Variants in DYNC2H1 observed in about 807,000 individuals in gnomAD.
The protein encoded by DYNC2H1 is dynein cytoplasmic 2 heavy chain 1.
DYNC2H1 carries 410 observed loss-of-function variants against 570.0 expected under a neutral mutation model. The ratio of observed to expected loss-of-function variants is 0.72; its 90% confidence interval spans 0.66 to 0.78. The LOEUF (loss-of-function observed/expected upper bound fraction) is 0.78. DYNC2H1 is among the 30% of genes least tolerant of loss of function. The pLI, the probability that DYNC2H1 is intolerant of heterozygous loss-of-function variation, is 0.00. For synonymous variants in DYNC2H1, 1,688 were observed against 1,677.6 expected, an observed-to-expected ratio of 1.01 and a Z score of -0.15; for missense variants, 4,865 against 5,046.4, an observed-to-expected ratio of 0.96 and a Z score of 1.09.
intron 73 of DYNC2H1, among the ~76,000 whole-genome samples, chr11:103,283,745 A>G (rs1297546193): frequency 1.3e-5 from 2 of 152,144 alleles, no homozygotes; most frequent in Non-Finnish European, 2.9e-5. Context: ...AAGTAGAGCC[A>G]GGATTTAAAA....
At chr11:103,390,648 T>C (rs1942103789) in intron 83 of DYNC2H1, among the ~76,000 whole-genome samples, 1 of 152,198 alleles carries the variant, frequency 6.6e-6, no homozygotes, top group South Asian at 2.1e-4. Context: ...GTTGTTCCTT[T>C]CCATGTTGAG....
chr11:103,385,097 T>G (rs1941818462), intron 83 of DYNC2H1, among the ~76,000 whole-genome samples: 1 of 152,136 alleles, frequency 6.6e-6, no homozygotes, highest in Admixed American at 6.5e-5. Flanking sequence ...CTCTTTACCT[T>G]GATTTTCTGC....
At chr11:103,225,682 A>G (rs1467790112) in intron 59 of DYNC2H1, among the ~76,000 whole-genome samples, 1 of 152,064 alleles carries the variant, frequency 6.6e-6, no homozygotes, top group Non-Finnish European at 1.5e-5. Flanking sequence ...AGGTTGGGTA[A>G]TGTGATGCCT....
At chr11:103,437,920 A>G (rs636777) in intron 85 of DYNC2H1, among the ~76,000 whole-genome samples, 86,716 of 151,912 alleles carry the variant, frequency 0.57, 25,219 homozygotes, top group East Asian at 0.72. Context: ...ACAATTTTAC[A>G]TGAATTATTG....
chr11:103,333,931 T>A (rs1488487353), intron 82 of DYNC2H1, among the ~76,000 whole-genome samples: 1 of 152,140 alleles, frequency 6.6e-6, no homozygotes, highest in Non-Finnish European at 1.5e-5. Flanking sequence ...AATATCATGG[T>A]TTTATTTAGC....
rs61896886 is a variant in DYNC2H1, at chr11:103,438,735, G to T, written c.12456+2703G>T. 1.9e-3 allele frequency among the ~76,000 whole-genome samples: 295 copies of T among 152,226 alleles called. 3 individuals carry two copies. The highest frequency in any genetic ancestry group is 0.011 in the South Asian group (53 of 4,828). The stretch of plus-strand genomic sequence containing the variant: ...CATTCAGTCAAAAATATAATAAGCA[G>T]CTACTTTATTCTAGACCCTGTGTGA... On this transcript the variant is annotated intron_variant, in intron 85 of 88. Coordinates refer to ENST00000375735, the MANE Select transcript of DYNC2H1 (RefSeq NM_001377.3).
intron 58 of DYNC2H1, 147 bp downstream of exon 58, chr11:103,222,300 C>T (rs923555392): frequency 9.4e-6 from 5 of 532,540 alleles, no homozygotes; most frequent in Non-Finnish European, 1.5e-5. Flanking sequence ...ACTTGGGAAG[C>T]ATTAACCATC....
At chr11:103,314,227 T>C (rs1048504832) in intron 79 of DYNC2H1, among the ~76,000 whole-genome samples, 6 of 152,188 alleles carry the variant, frequency 3.9e-5, no homozygotes, top group Non-Finnish European at 8.8e-5. Context: ...TTCAGAGAGA[T>C]TGTATAAATA....
intron 78 of DYNC2H1, among the ~76,000 whole-genome samples, chr11:103,311,227 C>T (rs377279684): frequency 2.6e-5 from 4 of 151,942 alleles, no homozygotes; most frequent in African/African-American, 7.3e-5. Flanking sequence ...GAATTCTTTT[C>T]GAGGGGGTTG....
intron 55 of DYNC2H1, among the ~76,000 whole-genome samples, chr11:103,217,156 T>C (rs1035269864): frequency 3.9e-5 from 6 of 152,178 alleles, no homozygotes; most frequent in African/African-American, 1.4e-4. Flanking sequence ...CTAATGTATA[T>C]ATCTCAATTA....
chr11:103,300,670 A>T (rs1867009883), intron 75 of DYNC2H1, among the ~76,000 whole-genome samples: 1 of 152,010 alleles, frequency 6.6e-6, no homozygotes, highest in Non-Finnish European at 1.5e-5. Context: ...TGTAAAATGA[A>T]TTAATGGACA....
chr11:103,400,328 C>G (rs1050518356), intron 84 of DYNC2H1, among the ~76,000 whole-genome samples: 9 of 152,106 alleles, frequency 5.9e-5, no homozygotes, highest in African/African-American at 1.7e-4. Flanking sequence ...GTGCAAAGCT[C>G]TCACTGACCA....
At chr11:103,113,218 A>G (rs894484925) in intron 1 of DYNC2H1, among the ~76,000 whole-genome samples, 2 of 152,140 alleles carry the variant, frequency 1.3e-5, no homozygotes, top group African/African-American at 4.8e-5. Flanking sequence ...GATTCTGGCT[A>G]GAATGGACTC....
chr11:103,417,165 C>T (rs1005399165), intron 84 of DYNC2H1, among the ~76,000 whole-genome samples: 10 of 152,214 alleles, frequency 6.6e-5, no homozygotes, highest in Non-Finnish European at 8.8e-5. Context: ...CTGCAACATC[C>T]GCCTCCTGGG....
Position 103,204,140 on chromosome 11 carries a change from C to T in DYNC2H1, c.8311+364C>T, listed in dbSNP as rs1862831420. On this transcript the variant is annotated intron_variant, in intron 51 of 88. Coordinates refer to ENST00000375735, the MANE Select transcript of DYNC2H1 (RefSeq NM_001377.3). This position sits in a 1 kb window ranked among gnomAD's most constrained non-coding sequence, Gnocchi z 4.1. The stretch of plus-strand genomic sequence containing the variant: ...AAGGAGGGCTTGTGCAGAAAAACTC[C>T]TGTTTTTAAAACCATGAGATCTCAT... Among the ~76,000 whole-genome samples the T allele has an allele frequency of 6.6e-6, 1 of 152,058 alleles. No individual in the cohort carries two copies. Among genetic ancestry groups the T allele is most frequent in the South Asian group, 2.1e-4 (1 of 4,814 alleles).
chr11:103,460,180 C>T (rs1944962411), intron 87 of DYNC2H1, among the ~76,000 whole-genome samples: 1 of 151,894 alleles, frequency 6.6e-6, no homozygotes, highest in Non-Finnish European at 1.5e-5. Flanking sequence ...TAACCTTAGC[C>T]CCTAGCTCAT....
intron 83 of DYNC2H1, among the ~76,000 whole-genome samples, chr11:103,397,779 T>C (rs1200341778): frequency 6.6e-6 from 1 of 152,050 alleles, no homozygotes; most frequent in East Asian, 1.9e-4. Context: ...CCTGTATTCC[T>C]AGCTACTCAG....
At chr11:103,336,781 T>C (rs866159386) in intron 82 of DYNC2H1, among the ~76,000 whole-genome samples, 1 of 152,216 alleles carries the variant, frequency 6.6e-6, no homozygotes. Context: ...GGAGTACAGA[T>C]ACCTTTCCAA....
chr11:103,476,391 G>A (rs895834948), intron 88 of DYNC2H1, among the ~76,000 whole-genome samples: 1 of 152,112 alleles, frequency 6.6e-6, no homozygotes, highest in South Asian at 2.1e-4. Flanking sequence ...TATTTGATAT[G>A]TGTGTATTTT....
Sources: gnomAD v4.1 joint callset for allele counts (sites outside exome capture counted in the v4.1 genomes callset) on GRCh38, gnomAD v4.1.1 for gene constraint, Gnocchi (gnomAD v3.1) non-coding constraint, MANE v1.5 for transcripts, NCBI Gene and HGNC (gene_info 2026-07-23, HGNC 2026-07-21) for gene names.